The following NTNG2 variants were observed in gnomAD, a reference collection of about 807,000 sequenced individuals.
NTNG2 encodes the protein netrin-G2.
In NTNG2, 15 loss-of-function variants were observed where a neutral mutation model predicts 47.6. That is an observed-to-expected ratio of 0.32 (90% CI 0.21 to 0.49). The LOEUF (loss-of-function observed/expected upper bound fraction) is 0.49. Among genes scored for constraint, NTNG2 ranks in the 20% least tolerant of loss-of-function variants. The pLI is 0.99. For synonymous variants in NTNG2, 307 were observed against 324.6 expected (o/e 0.95, Z 0.58); for missense variants, 578 against 764.6 (o/e 0.76, Z 2.88).
chr9:132,197,866 G>T lies in NTNG2; in HGVS notation c.214-100G>T. 8.6e-7 allele frequency: 1 copy of T among 1,159,294 alleles called. No homozygotes were observed. The highest frequency in any genetic ancestry group is 1.2e-6 in the Non-Finnish European group (1 of 831,878). The allele number at this position is 1,159,294 out of a possible 1,614,324, so 71.8% of individuals were successfully genotyped here. On this transcript the variant is annotated intron_variant, in intron 2 of 7. Coordinates refer to ENST00000393229, the MANE Select transcript of NTNG2 (RefSeq NM_032536.4). The surrounding 1 kb of genome is among the most constrained non-coding windows in gnomAD (Gnocchi z 4.3). The stretch of plus-strand genomic sequence containing the variant: ...GCACAGGCCCTGTAGCCACAGAGCA[G>T]GTTTCTCGGTTCGCAGGCAGGGGCT...
chr9:132,193,148 G>A (rs180682727), intron 2 of NTNG2, among the ~76,000 whole-genome samples: 2 of 152,366 alleles, frequency 1.3e-5, no homozygotes, highest in Admixed American at 6.5e-5. Context: ...GATGAAGAGA[G>A]ACCAGGGAAA....
intron 2 of NTNG2, among the ~76,000 whole-genome samples, chr9:132,189,068 C>CTTTGTTTTTTTTTTT (rs1837640741): frequency 3.2e-5 from 3 of 93,280 alleles, no homozygotes; most frequent in Admixed American, 2.4e-4. Context: ...TTAAGCCTTT[C>CTTTGTTTTTTTTTTT]TTTTTTTTTT....
intron 2 of NTNG2, among the ~76,000 whole-genome samples, chr9:132,191,106 G>A (rs1444925793): frequency 5.3e-5 from 8 of 152,210 alleles, no homozygotes; most frequent in Admixed American, 4.6e-4. Flanking sequence ...CCTGTGGGTT[G>A]CTGAGAGGGT....
chr9:132,186,181 C>T (rs1031494561), intron 2 of NTNG2, among the ~76,000 whole-genome samples: 3 of 152,258 alleles, frequency 2.0e-5, no homozygotes, highest in East Asian at 1.9e-4. Context: ...AAACCCCTGT[C>T]GCTAGAGGTA....
intron 3 of NTNG2, among the ~76,000 whole-genome samples, chr9:132,200,052 A>T (rs1320560513): frequency 6.6e-6 from 1 of 152,166 alleles, no homozygotes; most frequent in East Asian, 1.9e-4. Context: ...TAGAATGGGG[A>T]TGGTAACAAG....
At position 132,242,164 on chromosome 9, in the gene NTNG2, CG is replaced by C. The variant is rs1297271805; in HGVS notation, c.*57del. On this transcript the variant is annotated 3_prime_UTR_variant, in exon 8 of 8. Coordinates refer to ENST00000393229, the MANE Select transcript of NTNG2 (RefSeq NM_032536.4). The surrounding 1 kb of genome is among the most constrained non-coding windows in gnomAD (Gnocchi z 5.9). Reference sequence around the variant, plus strand: ...CCGGAGGCCGGGGGTCCCGGGGTCCCGGGGCGGGGCCGGCGTCCGAGGCCGG... The same window carrying C: ...CCGGAGGCCGGGGGTCCCGGGGTCCCGGGCGGGGCCGGCGTCCGAGGCCGG... The C allele has an allele frequency of 2.1e-6, 2 of 932,888 alleles. No individual in the cohort carries two copies. The highest frequency in any genetic ancestry group is 2.6e-6 in the Non-Finnish European group (2 of 759,990). 57.8% of individuals were successfully genotyped at this position (932,888 alleles called of 1,614,324 possible). A position where few individuals can be genotyped will look rare whatever the true frequency, so the allele number is the denominator to read the frequency against.
chr9:132,181,674 T>C (rs995978462), intron 2 of NTNG2, among the ~76,000 whole-genome samples: 6 of 152,366 alleles, frequency 3.9e-5, no homozygotes, highest in African/African-American at 1.4e-4. Context: ...CGAGCATTTG[T>C]TGAGTGCCTC....
At chr9:132,189,648 T>A (rs929930823) in intron 2 of NTNG2, among the ~76,000 whole-genome samples, 33 of 150,670 alleles carry the variant, frequency 2.2e-4, no homozygotes, top group East Asian at 6.0e-4. Flanking sequence ...TTAAAAAAAA[T>A]TTTTTTTTTG....
At chr9:132,240,173 G>A (rs1589571322) in intron 6 of NTNG2, among the ~76,000 whole-genome samples, 1 of 152,244 alleles carries the variant, frequency 6.6e-6, no homozygotes, top group South Asian at 2.1e-4. Flanking sequence ...CAGAGGAGGG[G>A]CTCCTGCAAA....
chr9:132,239,282 AC>A lies in NTNG2; in HGVS notation c.1222+12del. On this transcript the variant is annotated intron_variant, in intron 6 of 7. Transcript: ENST00000393229. ...AGAACGTCTGCATTGGTGAGAGGGC[AC>A]GGACACGGCACAGGGAACTTGCTGG... The A allele has an allele frequency of 6.2e-7, 1 of 1,613,286 alleles. No homozygotes were observed. Among genetic ancestry groups the A allele is most frequent in the Non-Finnish European group, 8.5e-7 (1 of 1,179,966 alleles).
At position 132,180,339 on chromosome 9, in the gene NTNG2, C is replaced by T. The variant is rs1345572044; in HGVS notation, c.213+13295C>T. On this transcript the variant is annotated intron_variant, in intron 2 of 7. Transcript: ENST00000393229. This position sits in a 1 kb window ranked among gnomAD's most constrained non-coding sequence, Gnocchi z 4.2. ...GCCATCCTCTGCTGCCAGCCTGCAA[C>T]AGGGCAGTGTCCTTCTGGGAGGTGT... Among the ~76,000 whole-genome samples, 2 of 152,266 alleles carry T rather than the reference C, an allele frequency of 1.3e-5. No individual in the cohort carries two copies. Among genetic ancestry groups the T allele is most frequent in the East Asian group, 3.8e-4 (2 of 5,198 alleles).
chr9:132,184,338 C>T (rs938670266), intron 2 of NTNG2, among the ~76,000 whole-genome samples: 2 of 152,128 alleles, frequency 1.3e-5, no homozygotes, highest in Non-Finnish European at 2.9e-5. Flanking sequence ...GGGAAGGGGC[C>T]GAGGAGGGGG....
At chr9:132,235,868 C>T (rs767670551) in intron 5 of NTNG2, among the ~76,000 whole-genome samples, 21 of 152,094 alleles carry the variant, frequency 1.4e-4, no homozygotes, top group Non-Finnish European at 2.8e-4. Context: ...ACTGAGGGCA[C>T]GGGTGTAGAA....
At position 132,239,192 on chromosome 9, in the gene NTNG2, A is replaced by G. The variant is rs760786911; in HGVS notation, c.1143A>G (p.Arg381=). ...GCGTCAGCTGCAAGCACAACACGCG[A>G]GGTCAGCACTGCCAGCACTGCCGGC... ...VTCVSCKHNT[R]GQHCQHCRLG... Residue 381 remains arginine (R), a synonymous_variant, in exon 6 of 8, where the codon CGA becomes CGG. Coordinates refer to ENST00000393229, the MANE Select transcript of NTNG2 (RefSeq NM_032536.4). 1.9e-6 allele frequency: 3 copies of G among 1,613,778 alleles called. No homozygotes were observed. The African/African-American group carries it at 4.0e-5, about 22-fold the overall frequency.
intron 3 of NTNG2, among the ~76,000 whole-genome samples, chr9:132,210,639 C>A (rs1377470875): frequency 6.6e-6 from 1 of 152,226 alleles, no homozygotes; most frequent in Non-Finnish European, 1.5e-5. Context: ...GTCCCCCCGA[C>A]CCCAGCTCTG....
At chr9:132,175,907 C>CA (rs752466798) in intron 2 of NTNG2, among the ~76,000 whole-genome samples, 3 of 152,162 alleles carry the variant, frequency 2.0e-5, no homozygotes, top group Non-Finnish European at 4.4e-5. Context: ...TGGTCAGAGA[C>CA]AAAACCACAC....
chr9:132,227,201 A>G (rs1469895697), intron 4 of NTNG2, among the ~76,000 whole-genome samples, 180 bp downstream of exon 4: 5 of 152,218 alleles, frequency 3.3e-5, no homozygotes, highest in Non-Finnish European at 5.9e-5. Context: ...ATGGGCACAC[A>G]TATGAATGCA....
chr9:132,232,853 C>T (rs1841339202), intron 5 of NTNG2: 4 of 152,494 alleles, frequency 2.6e-5, no homozygotes, highest in South Asian at 2.1e-4. Context: ...CCTCCATCAG[C>T]TCCTGCCTCG....
Position 132,179,598 on chromosome 9 carries a change from G to C in NTNG2, c.213+12554G>C, listed in dbSNP as rs192561678. On this transcript the variant is annotated intron_variant, in intron 2 of 7. Coordinates refer to ENST00000393229, the MANE Select transcript of NTNG2 (RefSeq NM_032536.4). ...CTGGACGCCTGGGAGCCTCATGAGT[G>C]AGAGACTGGGGCACACGTGCTTCCG... Among the ~76,000 whole-genome samples the C allele has an allele frequency of 6.6e-5, 10 of 152,334 alleles. No homozygotes were observed. The East Asian group carries it at 1.9e-3, about 29-fold the overall frequency.
Sources: gnomAD v4.1 joint callset for allele counts (sites outside exome capture counted in the v4.1 genomes callset) on GRCh38, gnomAD v4.1.1 for gene constraint, Gnocchi (gnomAD v3.1) non-coding constraint, MANE v1.5 for transcripts, NCBI Gene and HGNC (gene_info 2026-07-23, HGNC 2026-07-21) for gene names.